The following GPR137C variants were observed in gnomAD, a reference collection of about 807,000 sequenced individuals.
GPR137C encodes integral membrane protein GPR137C.
A neutral mutation model predicts 43.4 loss-of-function variants in GPR137C; 27 were observed. The ratio of observed to expected loss-of-function variants is 0.62; its 90% CI spans 0.46 to 0.86. The LOEUF (loss-of-function observed/expected upper bound fraction) is 0.86. Among genes scored for constraint, GPR137C ranks in the 40% least tolerant of loss-of-function variants. The pLI is 0.00. For synonymous variants in GPR137C, 285 were observed against 226.9 expected (o/e 1.26, Z -2.30); for missense variants, 522 against 534.6 (o/e 0.98, Z 0.23).
rs992830178 is a variant in GPR137C, at chr14:52,566,885, G to A, written c.444+13294G>A. Among the ~76,000 whole-genome samples, 6 of 152,236 alleles carry A rather than the reference G, an allele frequency of 3.9e-5. No individual in the cohort carries two copies. The East Asian group carries it at 1.2e-3, about 29-fold the overall frequency. On this transcript the variant is annotated intron_variant, in intron 1 of 6. Coordinates refer to ENST00000321662, the MANE Select transcript of GPR137C (RefSeq NM_001099652.2). ...CCAGCACATTGGGAGGCTGAGGCGG[G>A]TGGATCATCTGAGGTCAGGAGTTTG...
At chr14:52,570,127 T>A (rs1382000309) in intron 1 of GPR137C, among the ~76,000 whole-genome samples, 4 of 152,158 alleles carry the variant, frequency 2.6e-5, no homozygotes, top group Admixed American at 2.6e-4. Flanking sequence ...GGGAAGCCCA[T>A]CAGACTAACA....
At chr14:52,574,052 TAA>T (rs1330764879) in intron 1 of GPR137C, among the ~76,000 whole-genome samples, 1 of 152,078 alleles carries the variant, frequency 6.6e-6, no homozygotes, top group Non-Finnish European at 1.5e-5. Flanking sequence ...TGGCAATCAT[TAA>T]AAAGTCAGGA....
At chr14:52,577,183 C>CAAAAAAAAAAAAAAAA (rs34249999) in intron 1 of GPR137C, among the ~76,000 whole-genome samples, 3 of 41,148 alleles carry the variant, frequency 7.3e-5, no homozygotes, top group African/African-American at 3.1e-4. Flanking sequence ...TAAGACTCCT[C>CAAAAAAAAAAAAAAAA]AAAAAAAAAA....
chr14:52,573,996 A>G (rs1357374961), intron 1 of GPR137C, among the ~76,000 whole-genome samples: 1 of 152,230 alleles, frequency 6.6e-6, no homozygotes, highest in African/African-American at 2.4e-5. Context: ...CATTAGAGAA[A>G]TGCAAATCAA....
In GPR137C at chr14:52,632,328, T is replaced by C; in HGVS notation, c.867+19T>C. On this transcript the variant is annotated intron_variant, in intron 4 of 6. Transcript: ENST00000321662. ...AGATAAGGTAAATACCTACCACGTA[T>C]TGCCAGTCTAACAATGTGATAATTA... is the stretch of plus-strand genomic sequence containing the variant. 1 of 1,576,116 alleles carries C rather than the reference T, an allele frequency of 6.3e-7. No homozygotes were observed. Among genetic ancestry groups the C allele is most frequent in the Non-Finnish European group, 8.7e-7 (1 of 1,153,472 alleles).
chr14:52,561,148 C>G (rs1435589760), intron 1 of GPR137C, among the ~76,000 whole-genome samples: 1 of 152,214 alleles, frequency 6.6e-6, no homozygotes, highest in African/African-American at 2.4e-5. Flanking sequence ...TGAACTACCA[C>G]TAGACATTGA....
intron 1 of GPR137C, among the ~76,000 whole-genome samples, chr14:52,564,389 T>G (rs983244679): frequency 6.6e-6 from 1 of 152,106 alleles, no homozygotes; most frequent in Non-Finnish European, 1.5e-5. Flanking sequence ...CAGCCTAATT[T>G]CAAACTATGC....
At chr14:52,580,860 T>C (rs1483802783) in intron 1 of GPR137C, among the ~76,000 whole-genome samples, 1 of 147,708 alleles carries the variant, frequency 6.8e-6, no homozygotes, top group Non-Finnish European at 1.5e-5. Context: ...TATATAAATA[T>C]ATATTTCTTA....
chr14:52,590,525 C>T (rs1003398868), intron 1 of GPR137C, among the ~76,000 whole-genome samples: 2 of 152,316 alleles, frequency 1.3e-5, no homozygotes, highest in Middle Eastern at 6.8e-3. Context: ...CTCACTGACT[C>T]ACCCAGAGCA....
In GPR137C at chr14:52,637,435, C is replaced by G. The variant is rs185609415; in HGVS notation, c.*2320C>G. ...AAGTGTGTAATTCTATAGTGATTAG[C>G]AGTATTTGTTTTCATCATTTCACTT... On this transcript the variant is annotated 3_prime_UTR_variant, in exon 7 of 7. Coordinates refer to ENST00000321662, the MANE Select transcript of GPR137C (RefSeq NM_001099652.2). 6.6e-6 allele frequency: 1 copy of G among 152,194 alleles called. No individual in the cohort carries two copies. The highest frequency in any genetic ancestry group is 1.5e-5 in the Non-Finnish European group (1 of 67,986). 9.4% of individuals were successfully genotyped at this position (152,194 alleles called of 1,614,324 possible).
chr14:52,626,010 TACA>T (rs1309645854), intron 3 of GPR137C, among the ~76,000 whole-genome samples: 6 of 152,146 alleles, frequency 3.9e-5, no homozygotes, highest in Non-Finnish European at 1.5e-5. Context: ...AAAGTAACAA[TACA>T]ACAATAAAAA....
intron 3 of GPR137C, chr14:52,612,952 A>C (rs1313815759): frequency 6.6e-6 from 1 of 151,804 alleles, no homozygotes; most frequent in Non-Finnish European, 1.5e-5. Flanking sequence ...GGGTATATAA[A>C]ATATTTTTGG....
intron 1 of GPR137C, among the ~76,000 whole-genome samples, chr14:52,574,982 C>T (rs1001847381): frequency 2.6e-5 from 4 of 152,144 alleles, no homozygotes; most frequent in Non-Finnish European, 5.9e-5. Flanking sequence ...AGTTTCAGCA[C>T]AAATGCAGTT....
chr14:52,555,106 G>A (rs1259221127), intron 1 of GPR137C, among the ~76,000 whole-genome samples: 1 of 152,042 alleles, frequency 6.6e-6, no homozygotes, highest in Non-Finnish European at 1.5e-5. Context: ...TTCAGATAGT[G>A]CGTTAGTGAC....
chr14:52,625,374 C>T (rs957797467), intron 3 of GPR137C, among the ~76,000 whole-genome samples: 1 of 149,950 alleles, frequency 6.7e-6, no homozygotes, highest in Non-Finnish European at 1.5e-5. Flanking sequence ...CGCTTCTACT[C>T]GGGAGACTGA....
chr14:52,560,047 C>G (rs974812824), intron 1 of GPR137C, among the ~76,000 whole-genome samples: 1 of 152,008 alleles, frequency 6.6e-6, no homozygotes, highest in Non-Finnish European at 1.5e-5. Flanking sequence ...ATTCCAGCTA[C>G]TTGGGAGGCT....
chr14:52,596,031 T>C (rs974479040), intron 1 of GPR137C, among the ~76,000 whole-genome samples: 18 of 152,216 alleles, frequency 1.2e-4, no homozygotes, highest in African/African-American at 3.9e-4. Context: ...TTGATGTTGA[T>C]GCTATTCCTT....
intron 1 of GPR137C, among the ~76,000 whole-genome samples, chr14:52,582,916 A>G (rs1050095771): frequency 3.3e-5 from 5 of 152,230 alleles, no homozygotes; most frequent in Non-Finnish European, 1.5e-5. Flanking sequence ...TAAATCTTCA[A>G]TAATTCAAAT....
chr14:52,633,399 A>G, intron 4 of GPR137C, 131 bp from the exon 5 acceptor site: 2 of 655,296 alleles, frequency 3.1e-6, no homozygotes, highest in South Asian at 3.0e-5. Context: ...CACAAAATAT[A>G]GAAAGTTTTA....
Sources: allele counts gnomAD v4.1 joint callset (sites outside exome capture counted in the v4.1 genomes callset), GRCh38; gene constraint gnomAD v4.1.1; transcripts MANE v1.5; gene names NCBI Gene and HGNC (gene_info 2026-07-23, HGNC 2026-07-21).